The following EPHX1 variants were observed in gnomAD, a reference collection of about 807,000 sequenced individuals.
EPHX1 encodes the protein epoxide hydrolase 1.
A neutral mutation model predicts 43.2 loss-of-function variants in EPHX1; 40 were observed. The observed-to-expected ratio is 0.93, with a 90% CI of 0.72 to 1.21. The LOEUF is 1.21. EPHX1 is among the 50% of genes most tolerant of loss of function. The pLI, the probability that EPHX1 is intolerant of heterozygous loss-of-function variation, is 0.00. For missense variants in EPHX1, 550 were observed against 570.4 expected (o/e 0.96, Z 0.36); for synonymous variants, 221 against 226.7 (o/e 0.98, Z 0.22).
At chr1:225,834,163 G>T (rs952088773) in intron 3 of EPHX1, among the ~76,000 whole-genome samples, 109 of 146,878 alleles carry the variant, frequency 7.4e-4, no homozygotes, top group Non-Finnish European at 5.9e-5. Flanking sequence ...TCCTAGCACT[G>T]TGGGAGGCCG....
intron 1 of EPHX1, among the ~76,000 whole-genome samples, chr1:225,826,924 C>T (rs1667274402): frequency 2.0e-5 from 3 of 151,966 alleles, no homozygotes; most frequent in Non-Finnish European, 4.4e-5. Flanking sequence ...TCACTGGGAT[C>T]ACTGATAGAA....
Position 225,817,432 on chromosome 1 carries a change from C to T in EPHX1, c.-6+7263C>T, listed in dbSNP as rs77270693. 4.1e-3 allele frequency among the ~76,000 whole-genome samples: 619 copies of T among 152,304 alleles called. 15 individuals carry two copies. The East Asian group carries it at 0.046, about 11-fold the overall frequency. The stretch of plus-strand genomic sequence containing the variant: ...GGCCAGGAATGGGAGGGAAGCCATC[C>T]GTTTTTCCCTTTCCACTGGATGTTC... On this transcript the variant is annotated intron_variant, in intron 1 of 8. Coordinates refer to ENST00000272167, the MANE Select transcript of EPHX1 (RefSeq NM_001136018.4). The surrounding 1 kb of genome is among the most constrained non-coding windows in gnomAD (Gnocchi z 5.7).
chr1:225,843,450 G>A (rs528384509), intron 7 of EPHX1, among the ~76,000 whole-genome samples: 2 of 152,334 alleles, frequency 1.3e-5, no homozygotes, highest in African/African-American at 2.4e-5. Context: ...TCCTCCAAGA[G>A]CCTCAGCAGG....
chr1:225,815,603 C>T (rs1666691817), intron 1 of EPHX1, among the ~76,000 whole-genome samples: 1 of 152,114 alleles, frequency 6.6e-6, no homozygotes, highest in Non-Finnish European at 1.5e-5. Flanking sequence ...TTGATTGAAC[C>T]CCATAAATAT....
At chr1:225,825,767 C>A (rs1187039708) in intron 1 of EPHX1, among the ~76,000 whole-genome samples, 1 of 152,230 alleles carries the variant, frequency 6.6e-6, no homozygotes, top group Non-Finnish European at 1.5e-5. Context: ...CCTTCCCAAG[C>A]TATGGTTTAT....
intron 2 of EPHX1, among the ~76,000 whole-genome samples, chr1:225,831,239 C>T (rs565325839): frequency 6.6e-5 from 10 of 152,230 alleles, no homozygotes; most frequent in South Asian, 2.1e-4. Flanking sequence ...AGATGAGTAT[C>T]GTGTATACAC....
At chr1:225,835,483 A>G (rs1355838449) in intron 3 of EPHX1, among the ~76,000 whole-genome samples, 3 of 139,210 alleles carry the variant, frequency 2.2e-5, no homozygotes, top group Non-Finnish European at 3.0e-5. Flanking sequence ...TCCGCCTCCC[A>G]GGTTCACGCC....
At chr1:225,842,658 G>A (rs961253967) in intron 7 of EPHX1, among the ~76,000 whole-genome samples, 184 bp downstream of exon 7, 1 of 152,236 alleles carries the variant, frequency 6.6e-6, no homozygotes, top group African/African-American at 2.4e-5. Context: ...GGCCTGGTGG[G>A]TTGTTCCCAG....
rs1461852368 is a variant in EPHX1, at chr1:225,817,069, T to C, written c.-6+6900T>C. Among the ~76,000 whole-genome samples, 1 of 152,222 alleles carries C rather than the reference T, an allele frequency of 6.6e-6. No homozygotes were observed. The highest frequency in any genetic ancestry group is 1.5e-5 in the Non-Finnish European group (1 of 68,044). On this transcript the variant is annotated intron_variant, in intron 1 of 8. Transcript: ENST00000272167. This position sits in a 1 kb window ranked among gnomAD's most constrained non-coding sequence, Gnocchi z 5.7. ...TGCATTTTTCCTTTCCCTTGGTTTC[T>C]GGCTCTAAGCTGTTTTCCCAGGGCT... is the stretch of plus-strand genomic sequence containing the variant.
At chr1:225,836,466 T>G (rs1667972442) in intron 3 of EPHX1, among the ~76,000 whole-genome samples, 1 of 152,114 alleles carries the variant, frequency 6.6e-6, no homozygotes. Flanking sequence ...GACATGGTGT[T>G]GCCCACCTGT....
chr1:225,828,671 G>T, intron 1 of EPHX1, 54 bp from the exon 2 acceptor site: 2 of 1,597,230 alleles, frequency 1.3e-6, no homozygotes, highest in Non-Finnish European at 1.7e-6. Flanking sequence ...TCTCTGGGCT[G>T]TCAGGGCCGG....
chr1:225,823,613 G>A (rs1667082405), intron 1 of EPHX1, among the ~76,000 whole-genome samples: 1 of 152,230 alleles, frequency 6.6e-6, no homozygotes, highest in Non-Finnish European at 1.5e-5. Context: ...CCCGGTGGAT[G>A]TAGGGGTGAT....
At chr1:225,819,661 A>G (rs553672714) in intron 1 of EPHX1, among the ~76,000 whole-genome samples, 10 of 152,120 alleles carry the variant, frequency 6.6e-5, no homozygotes, top group Non-Finnish European at 1.0e-4. Context: ...AGGGCGGGTA[A>G]TGTCAGTTAC....
chr1:225,836,163 A>G (rs926095599), intron 3 of EPHX1, among the ~76,000 whole-genome samples: 4 of 152,238 alleles, frequency 2.6e-5, no homozygotes, highest in Admixed American at 6.5e-5. Flanking sequence ...GAAGGGTCTA[A>G]AGAGACATGA....
chr1:225,825,048 G>A lies in EPHX1; in HGVS notation c.-5-3677G>A, dbSNP rs1264356997. Among the ~76,000 whole-genome samples the A allele has an allele frequency of 2.6e-5, 4 of 152,288 alleles. 1 individual carries two copies. The highest frequency in any genetic ancestry group is 4.1e-4 in the South Asian group (2 of 4,824). On this transcript the variant is annotated intron_variant, in intron 1 of 8. Transcript: ENST00000272167. Reference sequence around the variant, plus strand: ...TATCTTAATTAGAATGCAAGAGATCGTGTTTTTAAAATTCTCTTTGAATCT... The same window carrying A: ...TATCTTAATTAGAATGCAAGAGATCATGTTTTTAAAATTCTCTTTGAATCT...
At chr1:225,827,831 C>G (rs3738045) in intron 1 of EPHX1, among the ~76,000 whole-genome samples, 15,936 of 152,244 alleles carry the variant, frequency 0.1, 1,082 homozygotes, top group East Asian at 0.2. Flanking sequence ...CACAGCTAAG[C>G]TGTGTGGCCA....
rs1439590096 is a variant in EPHX1, at chr1:225,834,173, G to A, written c.364+2214G>A. 3.4e-5 allele frequency among the ~76,000 whole-genome samples: 5 copies of A among 148,504 alleles called. No individual in the cohort carries two copies. In the Admixed American group the frequency reaches 3.4e-4, roughly 10 times the overall value. ...TGTAATCCTAGCACTGTGGGAGGCC[G>A]AGGCGGGTGGATCCCAAGGTCAAGA... On this transcript the variant is annotated intron_variant, in intron 3 of 8. Transcript: ENST00000272167.
chr1:225,814,921 A>G (rs1047723773), intron 1 of EPHX1, among the ~76,000 whole-genome samples: 1 of 152,248 alleles, frequency 6.6e-6, no homozygotes, highest in Non-Finnish European at 1.5e-5. Context: ...GCCAAGCCCC[A>G]AGGCCATCTT....
At chr1:225,814,670 TG>T (rs1170869765) in intron 1 of EPHX1, among the ~76,000 whole-genome samples, 2 of 152,216 alleles carry the variant, frequency 1.3e-5, no homozygotes, top group Non-Finnish European at 2.9e-5. Flanking sequence ...AGCCATGCCG[TG>T]AGAGGCCAGG....
Sources: allele counts gnomAD v4.1 joint callset (sites outside exome capture counted in the v4.1 genomes callset), GRCh38; gene constraint gnomAD v4.1.1; non-coding constraint Gnocchi (gnomAD v3.1); transcripts MANE v1.5; gene names NCBI Gene and HGNC (gene_info 2026-07-23, HGNC 2026-07-21).